RBM11: variants seen among roughly 807,000 people sequenced by gnomAD.
The protein encoded by RBM11 is splicing regulator RBM11.
RBM11 carries 18 observed loss-of-function variants against 21.4 expected under a neutral mutation model. The observed-to-expected ratio is 0.84, with a 90% CI of 0.58 to 1.25. The LOEUF (loss-of-function observed/expected upper bound fraction) is 1.25, where lower values mean the gene tolerates loss of function less well. Ranked by LOEUF, RBM11 falls within the 50% of genes most tolerant of loss-of-function variation. RBM11 has a pLI of 0.00. For synonymous variants in RBM11, 120 were observed against 116.3 expected, an observed-to-expected ratio of 1.03 and a Z score of -0.20; for missense variants, 294 against 331.9, an observed-to-expected ratio of 0.89 and a Z score of 0.89.
At chr21:14,219,492 T>C in intron 1 of RBM11, 71 bp from the exon 2 acceptor site, 1 of 1,189,004 alleles carries the variant, frequency 8.4e-7, no homozygotes, top group East Asian at 2.6e-5. Flanking sequence ...TAGTCTAAAG[T>C]TGAATTTACT....
Position 14,226,979 on chromosome 21 carries a change from C to T in RBM11, c.532C>T (p.Pro178Ser). Residue 178 changes from proline (P) to serine (S), a missense_variant, in exon 5 of 5, where the codon CCA becomes TCA. Pro to Ser is a moderately conservative substitution (Grantham distance 74). Transcript: ENST00000400577. ...CGTGTCTTCCTCACTGAATCATGTT[C>T]CAGATCTTGAGGCTGGACCCAGCTC... ...ASVSSSLNHVPDLEAGPSSYK... is the reference protein window; with the variant it reads ...ASVSSSLNHVSDLEAGPSSYK... 6.3e-7 allele frequency: 1 copy of T among 1,583,492 alleles called. No homozygotes were observed. Among genetic ancestry groups the T allele is most frequent in the South Asian group, 1.2e-5 (1 of 85,524 alleles).
Position 14,221,390 on chromosome 21 carries a change from G to T in RBM11, c.332+221G>T, listed in dbSNP as rs578219157. 3 of 436,344 alleles carry T rather than the reference G, an allele frequency of 6.9e-6. No homozygotes were observed. In the South Asian group the frequency reaches 1.5e-4, roughly 21 times the overall value. 27.0% of individuals were successfully genotyped at this position (436,344 alleles called of 1,614,324 possible). On this transcript the variant is annotated intron_variant, in intron 3 of 4. Transcript: ENST00000400577. The stretch of plus-strand genomic sequence containing the variant: ...TAGTAGGGGGTAGAGACTTATATTT[G>T]TAGTTTTTTATAGTTTTCTACATGC...
At chr21:14,218,623 A>C (rs75217617) in intron 1 of RBM11, among the ~76,000 whole-genome samples, 1 of 152,146 alleles carries the variant, frequency 6.6e-6, no homozygotes, top group Non-Finnish European at 1.5e-5. Context: ...TAACACACAG[A>C]ATTATTTTAA....
In RBM11 at chr21:14,216,170, A is replaced by G. The variant is rs549133406; in HGVS notation, c.-17A>G. The G allele has an allele frequency of 5.7e-5, 91 of 1,606,434 alleles. No homozygotes were observed. Among genetic ancestry groups the G allele is most frequent in the Non-Finnish European group, 7.3e-5 (86 of 1,174,762 alleles). On this transcript the variant is annotated 5_prime_UTR_variant, in exon 1 of 5. Coordinates refer to ENST00000400577, the MANE Select transcript of RBM11 (RefSeq NM_144770.5). ...GGGGTCTCAGCTCCTACTTCATTCTACGGCCGAGACCGGAGGATGTTCCCT... is the reference window on the plus strand; with the variant it reads ...GGGGTCTCAGCTCCTACTTCATTCTGCGGCCGAGACCGGAGGATGTTCCCT...
intron 1 of RBM11, among the ~76,000 whole-genome samples, chr21:14,216,672 C>G (rs972723947): frequency 6.6e-5 from 10 of 152,060 alleles, no homozygotes; most frequent in African/African-American, 2.4e-4. Flanking sequence ...TATAATGTTT[C>G]CTTTTACACC....
At chr21:14,221,209 A>G in intron 3 of RBM11, 40 bp downstream of exon 3, 4 of 1,507,902 alleles carry the variant, frequency 2.7e-6, no homozygotes, top group Non-Finnish European at 2.7e-6. Flanking sequence ...TAAAGCAAAT[A>G]TATTTTTATG....
At position 14,226,878 on chromosome 21, in the gene RBM11, A is replaced by G; in HGVS notation, c.433-2A>G. 6.3e-7 allele frequency: 1 copy of G among 1,596,158 alleles called. No individual in the cohort carries two copies. The highest frequency in any genetic ancestry group is 8.5e-7 in the Non-Finnish European group (1 of 1,171,454). On this transcript the variant is annotated splice_acceptor_variant, in intron 4 of 4. Transcript: ENST00000400577. LOFTEE classifies it high-confidence loss of function. ...TGGTAGATGAATGTCTTGTTTTCACAGCAGTGGCATGTGTATAATCCAGTG... is the reference window on the plus strand; with the variant it reads ...TGGTAGATGAATGTCTTGTTTTCACGGCAGTGGCATGTGTATAATCCAGTG...
chr21:14,223,018 A>G (rs1475277839), intron 3 of RBM11, among the ~76,000 whole-genome samples: 2 of 152,184 alleles, frequency 1.3e-5, no homozygotes, highest in African/African-American at 4.8e-5. Context: ...GGAGTTAGGA[A>G]GGAACAAGCT....
rs1267516268 is a variant in RBM11 at position 14,227,928 on chromosome 21, T to C, written c.*635T>C. On this transcript the variant is annotated 3_prime_UTR_variant, in exon 5 of 5. Transcript: ENST00000400577. ...CCCTTTTTATACAATTGTGTATTTA[T>C]AGGGATACCTTCCTCTTCTCACATA... The C allele has an allele frequency of 6.6e-6, 1 of 152,278 alleles. No homozygotes were observed. Among genetic ancestry groups the C allele is most frequent in the African/African-American group, 2.4e-5 (1 of 41,462 alleles). The allele number at this position is 152,278 out of a possible 1,614,324, so 9.4% of individuals were successfully genotyped here.
At position 14,225,690 on chromosome 21, in the gene RBM11, A is replaced by G. The variant is rs536790544; in HGVS notation, c.432+1153A>G. Among the ~76,000 whole-genome samples, 4 of 152,280 alleles carry G rather than the reference A, an allele frequency of 2.6e-5. No homozygotes were observed. In the South Asian group the frequency reaches 8.3e-4, roughly 32 times the overall value. On this transcript the variant is annotated intron_variant, in intron 4 of 4. Transcript: ENST00000400577. Reference sequence around the variant, plus strand: ...AAAAAACCCTTTTCTTAACTATGGTAAAACATTAGTAAACAATCAGTTCTC... The same window carrying G: ...AAAAAACCCTTTTCTTAACTATGGTGAAACATTAGTAAACAATCAGTTCTC...
intron 3 of RBM11, among the ~76,000 whole-genome samples, chr21:14,224,160 C>T (rs1195938701): frequency 6.6e-6 from 1 of 152,148 alleles, no homozygotes; most frequent in Non-Finnish European, 1.5e-5. Flanking sequence ...TTGTATTAGG[C>T]ACCCATCCTG....
At chr21:14,216,437 C>A (rs1600952566) in intron 1 of RBM11, among the ~76,000 whole-genome samples, 155 bp downstream of exon 1, 4 of 152,054 alleles carry the variant, frequency 2.6e-5, no homozygotes, top group African/African-American at 7.2e-5. Flanking sequence ...TCCAGGTGAG[C>A]GGCTGGGGAG....
Position 14,216,766 on chromosome 21 carries a change from A to G in RBM11, c.96+484A>G, listed in dbSNP as rs938600504. Among the ~76,000 whole-genome samples, 12 of 152,160 alleles carry G rather than the reference A, an allele frequency of 7.9e-5. 1 individual carries two copies. The highest frequency in any genetic ancestry group is 3.3e-4 in the Admixed American group (5 of 15,284). On this transcript the variant is annotated intron_variant, in intron 1 of 4. Coordinates refer to ENST00000400577, the MANE Select transcript of RBM11 (RefSeq NM_144770.5). The stretch of plus-strand genomic sequence containing the variant: ...GAGATTTGAGATGATTTGGCAGCCA[A>G]CTTACCGTGACTGTGACCAGGTGAT...
chr21:14,227,481 T>C lies in RBM11; in HGVS notation c.*188T>C. 1.7e-6 allele frequency: 1 copy of C among 595,782 alleles called. No homozygotes were observed. 36.9% of individuals were successfully genotyped at this position (595,782 alleles called of 1,614,324 possible). ...CAAAAGCTTTCTAAAAATAGTATAA[T>C]GTACCACTTTTTGTATTTGTCATGA... On this transcript the variant is annotated 3_prime_UTR_variant, in exon 5 of 5. Coordinates refer to ENST00000400577, the MANE Select transcript of RBM11 (RefSeq NM_144770.5).
chr21:14,219,025 T>G (rs893080631), intron 1 of RBM11, among the ~76,000 whole-genome samples: 2 of 152,146 alleles, frequency 1.3e-5, no homozygotes, highest in Admixed American at 1.3e-4. Flanking sequence ...CTTGAACATA[T>G]TTAAACATTT....
chr21:14,223,104 G>A (rs1456311022), intron 3 of RBM11, among the ~76,000 whole-genome samples: 1 of 152,180 alleles, frequency 6.6e-6, no homozygotes, highest in Non-Finnish European at 1.5e-5. Context: ...GTATTTTCTA[G>A]TTATGTTTGA....
At position 14,227,539 on chromosome 21, in the gene RBM11, T is replaced by A. The variant is rs1188488635; in HGVS notation, c.*246T>A. 7 of 453,602 alleles carry A rather than the reference T, an allele frequency of 1.5e-5. No individual in the cohort carries two copies. In the Admixed American group the frequency reaches 2.8e-4, roughly 18 times the overall value. The allele number at this position is 453,602 out of a possible 1,614,324, so 28.1% of individuals were successfully genotyped here. On this transcript the variant is annotated 3_prime_UTR_variant, in exon 5 of 5. Coordinates refer to ENST00000400577, the MANE Select transcript of RBM11 (RefSeq NM_144770.5). ...GACCCATTGGCAACAAATAGACTATTGTCATTTTATTAGTACCAATGATGA... is the reference window on the plus strand; with the variant it reads ...GACCCATTGGCAACAAATAGACTATAGTCATTTTATTAGTACCAATGATGA...
At chr21:14,224,615 G>T in intron 4 of RBM11, 78 bp downstream of exon 4, 3 of 1,469,838 alleles carry the variant, frequency 2.0e-6, no homozygotes, top group Non-Finnish European at 2.7e-6. Context: ...TGTAACATAT[G>T]GTGCCCAAAT....
Position 14,227,423 on chromosome 21 carries a change from TCTGGTTTG to T in RBM11, c.*134_*141del. ...GAAATATGTAGTAATAAGACTTATCTCTGGTTTGCTGTTCAATTTTTGCCTTGAACGAC... is the reference window on the plus strand; with the variant it reads ...GAAATATGTAGTAATAAGACTTATCTCTGTTCAATTTTTGCCTTGAACGAC... On this transcript the variant is annotated 3_prime_UTR_variant, in exon 5 of 5. Coordinates refer to ENST00000400577, the MANE Select transcript of RBM11 (RefSeq NM_144770.5). 9.6e-7 allele frequency: 1 copy of T among 1,041,658 alleles called. No individual in the cohort carries two copies. Among genetic ancestry groups the T allele is most frequent in the Middle Eastern group, 3.1e-4 (1 of 3,198 alleles). The allele number at this position is 1,041,658 out of a possible 1,614,324, so 64.5% of individuals were successfully genotyped here.
Sources: allele counts gnomAD v4.1 joint callset (sites outside exome capture counted in the v4.1 genomes callset), GRCh38; gene constraint gnomAD v4.1.1; transcripts MANE v1.5; gene names NCBI Gene and HGNC (gene_info 2026-07-23, HGNC 2026-07-21).